Variants in ASIC2 observed in about 807,000 individuals in gnomAD.
ASIC2 encodes acid-sensing ion channel 2.
ASIC2 carries 25 observed loss-of-function variants against 57.3 expected under a neutral mutation model. That is an observed-to-expected ratio of 0.44 (90% confidence interval 0.32 to 0.61). The LOEUF (loss-of-function observed/expected upper bound fraction) is 0.61. Among genes scored for constraint, ASIC2 ranks in the 20% least tolerant of loss-of-function variants. The pLI is 0.06. For missense variants in ASIC2, 641 were observed against 738.1 expected (o/e 0.87, Z 1.52); for synonymous variants, 319 against 307.5 (o/e 1.04, Z -0.39).
In ASIC2 at chr17:33,088,916, C is replaced by T. The variant is rs769714774; in HGVS notation, c.934G>A (p.Gly312Ser). The T allele has an allele frequency of 6.2e-7, 1 of 1,613,932 alleles. No individual in the cohort carries two copies. Among genetic ancestry groups the T allele is most frequent in the Admixed American group, 1.7e-5 (1 of 59,982 alleles). Residue 312 changes from glycine to serine, a missense_variant, in exon 3 of 10, where the codon GGC (glycine) becomes AGC (serine). By Grantham distance (56) the Gly-to-Ser change is moderately conservative. Coordinates refer to ENST00000225823, the MANE Select transcript of ASIC2 (RefSeq NM_183377.2). ...TGGAACCCTGGAGCCACCCCAAAGCCCAGCTCTTGGATGAAAGGTGGCTCA... is the reference window on the plus strand; with the variant it reads ...TGGAACCCTGGAGCCACCCCAAAGCTCAGCTCTTGGATGAAAGGTGGCTCA... ...QSEPPFIQEL[G>S]FGVAPGFQTF...
At chr17:33,055,887 G>T (rs919754756) in intron 3 of ASIC2, among the ~76,000 whole-genome samples, 4 of 152,140 alleles carry the variant, frequency 2.6e-5, no homozygotes, top group Non-Finnish European at 5.9e-5. Flanking sequence ...CCAGGGCAGT[G>T]GTTGTCAACC....
At chr17:33,063,258 G>A (rs2092028475) in intron 3 of ASIC2, among the ~76,000 whole-genome samples, 2 of 152,290 alleles carry the variant, frequency 1.3e-5, no homozygotes, top group African/African-American at 4.8e-5. Context: ...TCCTAGCATC[G>A]ATGGTCTTTA....
chr17:34,119,988 C>T (rs1427084599), intron 1 of ASIC2: 1 of 152,284 alleles, frequency 6.6e-6, no homozygotes, highest in East Asian at 1.9e-4. Flanking sequence ...CTCAGAACAG[C>T]AGGCAGGCTC....
chr17:33,638,197 C>A (rs1007984529), intron 1 of ASIC2, among the ~76,000 whole-genome samples: 2 of 152,110 alleles, frequency 1.3e-5, no homozygotes, highest in Non-Finnish European at 2.9e-5. Context: ...TTAACTATAC[C>A]TATATATTAG....
chr17:34,115,238 T>C (rs573915432), intron 1 of ASIC2, among the ~76,000 whole-genome samples: 65 of 152,360 alleles, frequency 4.3e-4, no homozygotes, highest in Non-Finnish European at 2.4e-4. Flanking sequence ...AATTAGAGCA[T>C]GTAGTATCCT....
chr17:33,811,418 G>A (rs549431801), intron 1 of ASIC2, among the ~76,000 whole-genome samples: 18 of 152,188 alleles, frequency 1.2e-4, no homozygotes, highest in Non-Finnish European at 2.5e-4. Context: ...ATCCCTCCAT[G>A]TGCTGGACAC....
At chr17:33,753,726 C>T (rs1472967477) in intron 1 of ASIC2, among the ~76,000 whole-genome samples, 4 of 152,122 alleles carry the variant, frequency 2.6e-5, no homozygotes, top group Admixed American at 1.3e-4. Context: ...GAACACTTGG[C>T]GGTGTATGAG....
intron 1 of ASIC2, among the ~76,000 whole-genome samples, chr17:33,905,113 C>A (rs1981146): frequency 0.097 from 13,502 of 139,028 alleles, 1,158 homozygotes; most frequent in East Asian, 0.32. Flanking sequence ...CTGCAGTAGA[C>A]AATTTGCTTG....
upstream of ASIC2, among the ~76,000 whole-genome samples, chr17:33,293,376 C>T (rs978154005): frequency 6.7e-6 from 1 of 148,956 alleles, no homozygotes; most frequent in East Asian, 2.1e-4. Flanking sequence ...CTCCTCGCTG[C>T]ATTTTAATTC....
In ASIC2 at chr17:33,432,106, G is replaced by C. The variant is rs148586056; in HGVS notation, c.556-320039C>G. Among the ~76,000 whole-genome samples the C allele has an allele frequency of 1.7e-3, 255 of 152,324 alleles. 1 individual carries two copies. Among genetic ancestry groups the C allele is most frequent in the African/African-American group, 6.0e-3 (249 of 41,564 alleles). Reference sequence around the variant, plus strand: ...TGACCCTTGAACAACATGAGGTTGAGCTGCGTGGGTCCAGTAATACGTAGA... The same window carrying C: ...TGACCCTTGAACAACATGAGGTTGACCTGCGTGGGTCCAGTAATACGTAGA... On this transcript the variant is annotated intron_variant, in intron 1 of 9. Transcript: ENST00000359872.
chr17:33,871,072 A>G (rs915250092), intron 1 of ASIC2, among the ~76,000 whole-genome samples: 1 of 152,128 alleles, frequency 6.6e-6, no homozygotes, highest in Non-Finnish European at 1.5e-5. Flanking sequence ...AGATGCCATG[A>G]TCAAGCACAG....
chr17:33,518,921 C>T (rs1039831571), intron 1 of ASIC2, among the ~76,000 whole-genome samples: 14 of 151,870 alleles, frequency 9.2e-5, no homozygotes, highest in African/African-American at 2.4e-4. Context: ...TCCGGGTTCA[C>T]GCCATTCTCC....
intron 3 of ASIC2, among the ~76,000 whole-genome samples, chr17:33,071,010 T>G (rs566048482): frequency 6.6e-6 from 1 of 152,288 alleles, no homozygotes; most frequent in African/African-American, 2.4e-5. Flanking sequence ...GGTAATGAGT[T>G]ATTTTTCTCT....
intron 1 of ASIC2, among the ~76,000 whole-genome samples, chr17:33,498,106 G>C (rs1843347872): frequency 6.6e-6 from 1 of 152,214 alleles, no homozygotes; most frequent in African/African-American, 2.4e-5. Flanking sequence ...GAAATGGATA[G>C]AATCATCCCC....
chr17:33,764,704 C>G (rs1910884189), intron 1 of ASIC2, among the ~76,000 whole-genome samples: 1 of 152,128 alleles, frequency 6.6e-6, no homozygotes, highest in African/African-American at 2.4e-5. Flanking sequence ...TGAGTTCATT[C>G]TTGAGGGTAC....
At chr17:33,050,944 T>C (rs1004415334) in intron 3 of ASIC2, among the ~76,000 whole-genome samples, 1 of 152,114 alleles carries the variant, frequency 6.6e-6, no homozygotes, top group African/African-American at 2.4e-5. Flanking sequence ...GAAATTAAGA[T>C]GGAGACATGA....
chr17:33,504,807 T>C (rs1002295383), intron 1 of ASIC2, among the ~76,000 whole-genome samples: 6 of 152,226 alleles, frequency 3.9e-5, no homozygotes, highest in African/African-American at 1.4e-4. Flanking sequence ...GCTCAGTATG[T>C]AGAACTTGAC....
intron 1 of ASIC2, among the ~76,000 whole-genome samples, chr17:33,973,039 C>A (rs1283468716): frequency 2.0e-5 from 3 of 152,228 alleles, no homozygotes; most frequent in African/African-American, 7.2e-5. Context: ...ATGTGGCACA[C>A]CCACAGTGAG....
chr17:33,646,047 A>T (rs1259534501), intron 1 of ASIC2, among the ~76,000 whole-genome samples: 1 of 152,126 alleles, frequency 6.6e-6, no homozygotes, highest in Non-Finnish European at 1.5e-5. Flanking sequence ...CAACTGCCTG[A>T]TCTCAAAGCA....
Sources: allele counts gnomAD v4.1 joint callset (sites outside exome capture counted in the v4.1 genomes callset), GRCh38; gene constraint gnomAD v4.1.1; transcripts MANE v1.5; gene names NCBI Gene and HGNC (gene_info 2026-07-23, HGNC 2026-07-21).